RAB11FIP2: variants seen among roughly 807,000 people sequenced by gnomAD.
The protein encoded by RAB11FIP2 is RAB11 family interacting protein 2, also known as rab11 family-interacting protein 2.
In RAB11FIP2, 16 loss-of-function variants were observed where a neutral mutation model predicts 40.9. The observed-to-expected ratio is 0.39, with a 90% CI of 0.26 to 0.59. RAB11FIP2 has a LOEUF of 0.59. RAB11FIP2 is among the 20% of genes least tolerant of loss of function. The pLI is 0.53. For synonymous variants in RAB11FIP2, 228 were observed against 213.7 expected, an observed-to-expected ratio of 1.07 and a Z score of -0.58; for missense variants, 532 against 606.2, an observed-to-expected ratio of 0.88 and a Z score of 1.28.
rs1204139415 is a variant in RAB11FIP2, at chr10:118,004,993, C to T, written c.*4005G>A. On this transcript the variant is annotated 3_prime_UTR_variant, in exon 5 of 5. Transcript: ENST00000355624. ...AAATTCTGATTCATGCATCAGATTA[C>T]ATAAATTATACAATTGTCACATTAT... is the stretch of plus-strand genomic sequence containing the variant. 4 of 152,614 alleles carry T rather than the reference C, an allele frequency of 2.6e-5. No homozygotes were observed. The highest frequency in any genetic ancestry group is 2.9e-5 in the Non-Finnish European group (2 of 68,034). 9.5% of individuals were successfully genotyped at this position (152,614 alleles called of 1,614,324 possible).
intron 3 of RAB11FIP2, among the ~76,000 whole-genome samples, chr10:118,028,951 GC>G (rs1412229192): frequency 6.6e-6 from 1 of 151,664 alleles, no homozygotes; most frequent in Non-Finnish European, 1.5e-5. Context: ...ATGCTAACTT[GC>G]TAGTCTCAAA....
Position 118,039,074 on chromosome 10 carries a change from G to A in RAB11FIP2, c.1163C>T (p.Ser388Leu). ...GCGATTTTCACTAAATGCATTAGGT[G>A]ATTTCAAGTCACAAGGGCTATCAGA... ...GGSDSPCDLK[S>L]PNAFSENRQD... Residue 388 changes from serine to leucine, a missense_variant, in exon 3 of 5, where the codon TCA becomes TTA. Physicochemically the swap from Ser to Leu is moderately radical, Grantham distance 145. Coordinates refer to ENST00000355624, the MANE Select transcript of RAB11FIP2 (RefSeq NM_014904.3). The A allele has an allele frequency of 1.9e-6, 3 of 1,613,544 alleles. No homozygotes were observed. Among genetic ancestry groups the A allele is most frequent in the East Asian group, 2.2e-5 (1 of 44,842 alleles).
Position 118,006,933 on chromosome 10 carries a change from A to C in RAB11FIP2, c.*2065T>G, listed in dbSNP as rs1846097200. ...AGTACTTGAACCATACTTTTAAATG[A>C]GTTCTATTTATGTAAAACATATCCC... On this transcript the variant is annotated 3_prime_UTR_variant, in exon 5 of 5. Coordinates refer to ENST00000355624, the MANE Select transcript of RAB11FIP2 (RefSeq NM_014904.3). The C allele has an allele frequency of 6.6e-6, 1 of 152,482 alleles. No homozygotes were observed. Among genetic ancestry groups the C allele is most frequent in the Non-Finnish European group, 1.5e-5 (1 of 67,922 alleles). The allele number at this position is 152,482 out of a possible 1,614,324, so 9.4% of individuals were successfully genotyped here.
At chr10:118,038,113 T>C (rs1320291870) in intron 3 of RAB11FIP2, among the ~76,000 whole-genome samples, 1 of 151,944 alleles carries the variant, frequency 6.6e-6, no homozygotes, top group Non-Finnish European at 1.5e-5. Flanking sequence ...GGGCCAACTA[T>C]ACTTAAGATG....
intron 3 of RAB11FIP2, among the ~76,000 whole-genome samples, chr10:118,032,882 C>T (rs1179057720): frequency 6.6e-6 from 1 of 152,036 alleles, no homozygotes; most frequent in Non-Finnish European, 1.5e-5. Context: ...TAGTAGCCAT[C>T]TCGGCTATCA....
chr10:118,039,358 ACC>A lies in RAB11FIP2; in HGVS notation c.877_878del (p.Gly293Ter), dbSNP rs1846524330. 6.2e-7 allele frequency: 1 copy of A among 1,613,462 alleles called. No homozygotes were observed. Among genetic ancestry groups the A allele is most frequent in the South Asian group, 1.1e-5 (1 of 91,080 alleles). ...CATTTTGTCTTCCGAAACACAATTC[ACC>A]TTCATCCACAATGCTGTCAGGTTGG... is the stretch of plus-strand genomic sequence containing the variant. ...MNQPDSIVDE[G>X]ELCFGRQNDP... On this transcript the variant is annotated frameshift_variant, in exon 3 of 5. Transcript: ENST00000355624. LOFTEE classifies it high-confidence loss of function.
At chr10:118,035,086 T>C (rs918416372) in intron 3 of RAB11FIP2, among the ~76,000 whole-genome samples, 4 of 152,116 alleles carry the variant, frequency 2.6e-5, no homozygotes, top group Non-Finnish European at 4.4e-5. Context: ...TCTCTCCTCC[T>C]GCGCTGCACT....
At chr10:118,013,413 CTG>C (rs1412304877) in intron 4 of RAB11FIP2, among the ~76,000 whole-genome samples, 3 of 152,104 alleles carry the variant, frequency 2.0e-5, no homozygotes, top group Non-Finnish European at 4.4e-5. Context: ...TGTTTAAACA[CTG>C]TGCTTTCACA....
At chr10:118,015,194 T>TAATACA (rs1846203322) in intron 3 of RAB11FIP2, 84 bp from the exon 4 acceptor site, 6 of 1,129,458 alleles carry the variant, frequency 5.3e-6, no homozygotes, top group Non-Finnish European at 7.6e-6. Context: ...ACCAACATTG[T>TAATACA]AATACAAATT....
At position 118,046,322 on chromosome 10, in the gene RAB11FIP2, C is replaced by G. The variant is rs1846636842; in HGVS notation, c.-159G>C. 1.5e-6 allele frequency: 1 copy of G among 665,030 alleles called. No individual in the cohort carries two copies. The highest frequency in any genetic ancestry group is 1.9e-5 in the South Asian group (1 of 51,510). The allele number at this position is 665,030 out of a possible 1,614,324, so 41.2% of individuals were successfully genotyped here. On this transcript the variant is annotated 5_prime_UTR_variant, in exon 1 of 5. Coordinates refer to ENST00000355624, the MANE Select transcript of RAB11FIP2 (RefSeq NM_014904.3). ...CTATGGCTGATGTCAAAACGCCTCG[C>G]GGGGGCAGCCCAGGGGCACGGCCGC...
At position 118,034,133 on chromosome 10, in the gene RAB11FIP2, C is replaced by T. The variant is rs116972232; in HGVS notation, c.1265+4839G>A. ...ACGCTACCACCGTACACAATTATGA[C>T]GATAATGCGGCTGTGTTCGAACAAA... On this transcript the variant is annotated intron_variant, in intron 3 of 4. Transcript: ENST00000355624. 4.2e-4 allele frequency: 286 copies of T among 678,650 alleles called. 1 individual carries two copies. The East Asian group carries it at 5.6e-3, about 13-fold the overall frequency. The allele number at this position is 678,650 out of a possible 1,614,324, so 42.0% of individuals were successfully genotyped here. A position where few individuals can be genotyped will look rare whatever the true frequency, so the allele number is the denominator to read the frequency against.
chr10:118,022,894 A>G (rs146505099), intron 3 of RAB11FIP2, among the ~76,000 whole-genome samples: 2 of 152,324 alleles, frequency 1.3e-5, no homozygotes, highest in African/African-American at 2.4e-5. Context: ...AGGGCAATAT[A>G]AGTTCCACCA....
At position 118,014,821 on chromosome 10, in the gene RAB11FIP2, A is replaced by G. The variant is rs117437786; in HGVS notation, c.1311+244T>C. 3.3e-3 allele frequency among the ~76,000 whole-genome samples: 495 copies of G among 152,284 alleles called. 13 individuals carry two copies. The East Asian group carries it at 0.041, about 13-fold the overall frequency. ...TGTAAACAAAATATGTATATTCTAAATTGGCTTCAATTATAACCAATTTTG... is the reference window on the plus strand; with the variant it reads ...TGTAAACAAAATATGTATATTCTAAGTTGGCTTCAATTATAACCAATTTTG... On this transcript the variant is annotated intron_variant, in intron 4 of 4. Coordinates refer to ENST00000355624, the MANE Select transcript of RAB11FIP2 (RefSeq NM_014904.3).
At chr10:118,021,158 C>A (rs1307724339) in intron 3 of RAB11FIP2, among the ~76,000 whole-genome samples, 1 of 152,074 alleles carries the variant, frequency 6.6e-6, no homozygotes, top group African/African-American at 2.4e-5. Flanking sequence ...TACTTGTGTT[C>A]AAAATTATTT....
Position 118,009,123 on chromosome 10 carries a change from T to C in RAB11FIP2, c.1414A>G (p.Thr472Ala). 3 of 1,613,612 alleles carry C rather than the reference T, an allele frequency of 1.9e-6. No individual in the cohort carries two copies. The highest frequency in any genetic ancestry group is 2.5e-6 in the Non-Finnish European group (3 of 1,179,580). Residue 472 changes from threonine to alanine, a missense_variant, in exon 5 of 5, where the codon ACC (threonine) becomes GCC (alanine). Physicochemically the swap from Thr to Ala is moderately conservative, Grantham distance 58 (BLOSUM62 0). Coordinates refer to ENST00000355624, the MANE Select transcript of RAB11FIP2 (RefSeq NM_014904.3). ...TAGTCCTCGAGTTCCCGGATGTGGGTGTCTTTCCTCCTAAGGAGTTCTTTG... is the reference window on the plus strand; with the variant it reads ...TAGTCCTCGAGTTCCCGGATGTGGGCGTCTTTCCTCCTAAGGAGTTCTTTG... ...KHKELLRRKD[T>A]HIRELEDYID...
intron 3 of RAB11FIP2, chr10:118,017,882 C>A (rs545174365): frequency 1.3e-5 from 2 of 152,192 alleles, no homozygotes; most frequent in South Asian, 4.1e-4. Context: ...ATCAAAATCA[C>A]AAAACTAACC....
rs780296007 is a variant in RAB11FIP2, at chr10:118,039,187, T to C, written c.1050A>G (p.Lys350=). The C allele has an allele frequency of 2.5e-6, 4 of 1,613,720 alleles. No homozygotes were observed. Among genetic ancestry groups the C allele is most frequent in the Non-Finnish European group, 2.5e-6 (3 of 1,179,784 alleles). Reference sequence around the variant, plus strand: ...GGCTAACTTTCTCCCTTTTCTCTCTTTTATTTTCTTTTCTTATTTCAATTG... The same window carrying C: ...GGCTAACTTTCTCCCTTTTCTCTCTCTTATTTTCTTTTCTTATTTCAATTG... ...SKPIEIRKEN[K]REKREKVSLF... The change falls in exon 3 of 5, where the codon AAA becomes AAG. Residue 350 remains lysine (K), a synonymous_variant. Transcript: ENST00000355624.
chr10:118,032,555 TTAAG>T (rs1846427429), intron 3 of RAB11FIP2, among the ~76,000 whole-genome samples: 1 of 152,072 alleles, frequency 6.6e-6, no homozygotes, highest in Non-Finnish European at 1.5e-5. Context: ...GTTGTCTAAT[TTAAG>T]TACGCATTTG....
chr10:118,028,315 T>C (rs1330283552), intron 3 of RAB11FIP2, among the ~76,000 whole-genome samples: 8 of 150,406 alleles, frequency 5.3e-5, no homozygotes, highest in Admixed American at 5.3e-4. Context: ...ATATAAGATT[T>C]TAATATTTAT....
Sources: gnomAD v4.1 joint callset for allele counts (sites outside exome capture counted in the v4.1 genomes callset) on GRCh38, gnomAD v4.1.1 for gene constraint, MANE v1.5 for transcripts, NCBI Gene and HGNC (gene_info 2026-07-23, HGNC 2026-07-21) for gene names.